Variants in DCAF6 observed in about 807,000 individuals in gnomAD.
DCAF6 encodes the protein DDB1 and CUL4 associated factor 6.
Under a neutral mutation model 125.1 loss-of-function variants are expected in DCAF6, and 54 were observed. The ratio of observed to expected loss-of-function variants is 0.43; its 90% CI spans 0.35 to 0.54. The LOEUF (loss-of-function observed/expected upper bound fraction) is 0.54, where lower values mean the gene tolerates loss of function less well. Among genes scored for constraint, DCAF6 ranks in the 20% least tolerant of loss-of-function variants. The pLI, the probability that DCAF6 is intolerant of heterozygous loss-of-function variation, is 0.01. For missense variants in DCAF6, 934 were observed against 1,161.7 expected, an observed-to-expected ratio of 0.80 and a Z score of 2.85; for synonymous variants, 371 against 390.4, an observed-to-expected ratio of 0.95 and a Z score of 0.58.
chr1:167,959,809 GTCT>G (rs1350625975), intron 2 of DCAF6, among the ~76,000 whole-genome samples: 3 of 152,026 alleles, frequency 2.0e-5, no homozygotes, highest in Non-Finnish European at 2.9e-5. Flanking sequence ...CCCCTGTCTT[GTCT>G]TCTTGTTTTC....
intron 3 of DCAF6, among the ~76,000 whole-genome samples, chr1:167,973,296 TGTG>T (rs1677623023): frequency 6.6e-6 from 1 of 152,236 alleles, no homozygotes; most frequent in African/African-American, 2.4e-5. Flanking sequence ...CAGGTGATAT[TGTG>T]GTACATGATG....
chr1:167,877,837 G>A, the DCAF6 span, among the ~76,000 whole-genome samples: 3 of 152,314 alleles, frequency 2.0e-5, no homozygotes, highest in East Asian at 3.9e-4. Context: ...CCAGGATTAG[G>A]TGGGTGCTGA....
At chr1:168,020,572 C>T (rs1396821155) in intron 11 of DCAF6, among the ~76,000 whole-genome samples, 1 of 152,038 alleles carries the variant, frequency 6.6e-6, no homozygotes, top group Admixed American at 6.6e-5. Flanking sequence ...GCTGACCAAC[C>T]ATATTACATG....
the DCAF6 span, among the ~76,000 whole-genome samples, chr1:167,879,606 ATAAC>A: frequency 1.3e-5 from 2 of 152,152 alleles, no homozygotes; most frequent in Non-Finnish European, 2.9e-5. Context: ...CATTTCAGAC[ATAAC>A]TATCGTGGTA....
chr1:167,999,621 A>G (rs1300658343), intron 7 of DCAF6, among the ~76,000 whole-genome samples: 1 of 152,154 alleles, frequency 6.6e-6, no homozygotes, highest in Non-Finnish European at 1.5e-5. Context: ...TTGTACTTTT[A>G]TGTTACAGAA....
At chr1:168,021,330 TATTTTTCACAG>T (rs1347755935) in intron 11 of DCAF6, among the ~76,000 whole-genome samples, 4 of 152,066 alleles carry the variant, frequency 2.6e-5, no homozygotes, top group African/African-American at 9.7e-5. Context: ...GGATGAAAAA[TATTTTTCACAG>T]ATTTTTAGGA....
chr1:167,949,597 A>G (rs1468216175), intron 1 of DCAF6, among the ~76,000 whole-genome samples: 1 of 152,184 alleles, frequency 6.6e-6, no homozygotes, highest in Admixed American at 6.5e-5. Context: ...TGAGACTTGG[A>G]TTACAGGAAG....
intron 12 of DCAF6, among the ~76,000 whole-genome samples, chr1:168,026,226 T>C (rs1374538575): frequency 6.6e-6 from 1 of 152,218 alleles, no homozygotes; most frequent in Non-Finnish European, 1.5e-5. Flanking sequence ...CCTTTTTGCA[T>C]ATTCTCTAAA....
intron 11 of DCAF6, 150 bp from the exon 12 acceptor site, chr1:168,022,838 C>G: frequency 1.4e-6 from 1 of 699,368 alleles, no homozygotes; most frequent in East Asian, 2.7e-5. Context: ...GCACATGGCC[C>G]TGCTTACTCA....
At chr1:167,867,034 G>A in the DCAF6 span, among the ~76,000 whole-genome samples, 1 of 152,234 alleles carries the variant, frequency 6.6e-6, no homozygotes, top group Non-Finnish European at 1.5e-5. Context: ...ATGAATGCTA[G>A]ACTAACTAGA....
chr1:167,869,570 T>C, the DCAF6 span, among the ~76,000 whole-genome samples: 1 of 152,122 alleles, frequency 6.6e-6, no homozygotes, highest in African/African-American at 2.4e-5. Flanking sequence ...CTAAGCCTGG[T>C]AGTTAAAATT....
At chr1:167,991,372 T>G in intron 6 of DCAF6, 33 bp downstream of exon 6, 1 of 1,571,452 alleles carries the variant, frequency 6.4e-7, no homozygotes, top group South Asian at 1.2e-5. Flanking sequence ...AATATAGGAC[T>G]GTCAGTTCAA....
At chr1:167,904,956 C>T in the DCAF6 span, 3 of 1,614,068 alleles carry the variant, frequency 1.9e-6, no homozygotes, top group East Asian at 2.2e-5. Context: ...GAGCCTGTTG[C>T]TCATCCACAT....
chr1:168,074,831 T>C (rs1216975883), intron 21 of DCAF6, among the ~76,000 whole-genome samples: 2 of 152,208 alleles, frequency 1.3e-5, no homozygotes, highest in Non-Finnish European at 2.9e-5. Flanking sequence ...ACGAGCATAC[T>C]GTACTCACCA....
chr1:167,980,672 G>A (rs965053299), intron 4 of DCAF6, among the ~76,000 whole-genome samples: 10 of 151,682 alleles, frequency 6.6e-5, no homozygotes, highest in Non-Finnish European at 1.3e-4. Flanking sequence ...GTTAACATAG[G>A]ATTTCTTTAT....
intron 4 of DCAF6, among the ~76,000 whole-genome samples, chr1:167,982,754 C>T (rs1287722947): frequency 5.3e-5 from 8 of 152,020 alleles, no homozygotes; most frequent in East Asian, 1.9e-4. Context: ...TCTAGAATGG[C>T]GTTTCCTATA....
At chr1:168,009,413 C>G (rs966908750) in intron 10 of DCAF6, among the ~76,000 whole-genome samples, 2 of 114,346 alleles carry the variant, frequency 1.7e-5, no homozygotes, top group African/African-American at 3.4e-5. Flanking sequence ...CTCTCTCTCT[C>G]TTTTGTTTCT....
intron 7 of DCAF6, among the ~76,000 whole-genome samples, chr1:167,995,610 A>G (rs1307036489): frequency 6.6e-6 from 1 of 151,620 alleles, no homozygotes; most frequent in Non-Finnish European, 1.5e-5. Flanking sequence ...AACCCAAGAG[A>G]AGGAGGTTGC....
chr1:167,989,889 TGAG>T (rs1680587319), intron 5 of DCAF6, among the ~76,000 whole-genome samples: 1 of 150,594 alleles, frequency 6.6e-6, no homozygotes, highest in African/African-American at 2.4e-5. Context: ...CTGAGAAGAA[TGAG>T]GAGTGAGAGT....
Sources: allele counts gnomAD v4.1 joint callset (sites outside exome capture counted in the v4.1 genomes callset), GRCh38; gene constraint gnomAD v4.1.1; transcripts MANE v1.5; gene names NCBI Gene and HGNC (gene_info 2026-07-23, HGNC 2026-07-21).